Variants in COL6A5 observed in about 807,000 individuals in gnomAD.
COL6A5 encodes the protein collagen type VI alpha 5 chain.
A neutral mutation model predicts 65.6 loss-of-function variants in COL6A5; 48 were observed. The observed-to-expected ratio is 0.73, with a 90% CI of 0.58 to 0.93. The LOEUF (loss-of-function observed/expected upper bound fraction) is 0.93. COL6A5 is among the 40% of genes least tolerant of loss of function. COL6A5 has a pLI of 0.00. For synonymous variants in COL6A5, 291 were observed against 322.8 expected (o/e 0.90, Z 1.05); for missense variants, 914 against 928.3 (o/e 0.98, Z 0.20).
chr3:130,369,076 G>A (rs1029894728), intron 1 of COL6A5, among the ~76,000 whole-genome samples: 1 of 152,130 alleles, frequency 6.6e-6, no homozygotes, highest in Admixed American at 6.5e-5. Context: ...ATTCTGGCCA[G>A]CTTTTGTTGC....
At chr3:130,477,727 A>G (rs1298114866) in intron 7 of COL6A5, among the ~76,000 whole-genome samples, 2 of 152,086 alleles carry the variant, frequency 1.3e-5, no homozygotes, top group Non-Finnish European at 2.9e-5. Flanking sequence ...AACCACTGAC[A>G]TAGTATTATA....
rs139339125 is a variant in COL6A5 at position 130,421,152 on chromosome 3, G to T, written c.4951-1G>T. The T allele has an allele frequency of 1.4e-3, 2,174 of 1,550,492 alleles. 27 individuals carry two copies. Among genetic ancestry groups the T allele is most frequent in the Middle Eastern group, 3.4e-4 (2 of 5,930 alleles). ...TGAAAAAAACTGGTGTGTTTACACA[G>T]GGAGATTCTGGCATCCCAGGCTACG... On this transcript the variant is annotated splice_acceptor_variant and NMD_transcript_variant, in intron 25 of 41. Transcript: ENST00000312481.
At chr3:130,453,283 A>G (rs962561093) in intron 4 of COL6A5, among the ~76,000 whole-genome samples, 2 of 152,292 alleles carry the variant, frequency 1.3e-5, no homozygotes, top group East Asian at 1.9e-4. Context: ...AGACAGGCAT[A>G]AGAAATTATA....
At chr3:130,471,107 A>G (rs1709942571) in intron 7 of COL6A5, 140 bp downstream of exon 39, 1 of 638,476 alleles carries the variant, frequency 1.6e-6, no homozygotes, top group Non-Finnish European at 2.8e-6. Context: ...TGTGTTTTAA[A>G]TGCTACTCGT....
At chr3:130,387,806 A>G (rs1936249324) in intron 5 of COL6A5, among the ~76,000 whole-genome samples, 1 of 152,062 alleles carries the variant, frequency 6.6e-6, no homozygotes, top group Admixed American at 6.6e-5. Context: ...TGCATATTAT[A>G]TATATACACA....
intron 2 of COL6A5, 102 bp downstream of exon 34, chr3:130,439,717 G>T: frequency 2.5e-6 from 2 of 809,782 alleles, no homozygotes; most frequent in Non-Finnish European, 2.0e-6. Context: ...TTTAATCATA[G>T]GTTCTATTTT....
At chr3:130,452,672 G>A (rs148483129) in intron 4 of COL6A5, among the ~76,000 whole-genome samples, 42 of 152,196 alleles carry the variant, frequency 2.8e-4, no homozygotes, top group African/African-American at 7.7e-4. Context: ...ATGAAGTTTC[G>A]GGCACCATCG....
At chr3:130,365,680 T>C (rs1461356536) in intron 1 of COL6A5, among the ~76,000 whole-genome samples, 2 of 152,170 alleles carry the variant, frequency 1.3e-5, no homozygotes, top group Non-Finnish European at 1.5e-5. Context: ...GCCCAGATTT[T>C]CTCTCTGGGA....
At chr3:130,410,735 C>T (rs1400638354) in intron 20 of COL6A5, among the ~76,000 whole-genome samples, 3 of 152,134 alleles carry the variant, frequency 2.0e-5, no homozygotes, top group Non-Finnish European at 4.4e-5. Context: ...CATCCCTGGT[C>T]TCTACCCACT....
At chr3:130,391,583 C>A (rs1480375284) in exon 7 of COL6A5, 4 of 1,551,508 alleles carry the variant, frequency 2.6e-6, no homozygotes, top group Non-Finnish European at 3.5e-6. Flanking sequence ...AGCATTGGAA[C>A]TGAGAAACAA....
intron 7 of COL6A5, among the ~76,000 whole-genome samples, chr3:130,393,972 G>A (rs375765431): frequency 1.3e-4 from 19 of 151,392 alleles, no homozygotes; most frequent in Non-Finnish European, 2.1e-4. Context: ...AGGTCTATCC[G>A]GGCAGCCCAT....
At position 130,404,945 on chromosome 3, in the gene COL6A5, T is replaced by A. The variant is rs80166274; in HGVS notation, c.4282-643T>A. ...GTTCCTGCCCTCAAAAAGCACAAAA[T>A]TGTTCCTTTCTTAAGATCCATTTTA... is the stretch of plus-strand genomic sequence containing the variant. On this transcript the variant is annotated intron_variant and NMD_transcript_variant, in intron 13 of 41. Coordinates refer to the COL6A5 transcript ENST00000312481. Among the ~76,000 whole-genome samples the A allele has an allele frequency of 6.9e-4, 105 of 152,332 alleles. 1 individual carries two copies. Among genetic ancestry groups the A allele is most frequent in the Non-Finnish European group, 6.8e-4 (46 of 68,024 alleles).
chr3:130,409,487 G>A (rs1187002347), intron 18 of COL6A5, 99 bp downstream of exon 18: 1 of 1,034,566 alleles, frequency 9.7e-7, no homozygotes, highest in African/African-American at 1.6e-5. Context: ...TAGGCAAATG[G>A]TTGTCTTAGG....
intron 24 of COL6A5, 131 bp from the exon 25 acceptor site, chr3:130,418,738 A>G: frequency 1.4e-6 from 1 of 704,138 alleles, no homozygotes; most frequent in South Asian, 1.6e-5. Context: ...TGTGCCCTAC[A>G]CTCATCCCCT....
At chr3:130,363,700 G>A (rs1288081647) in intron 1 of COL6A5, among the ~76,000 whole-genome samples, 2 of 152,174 alleles carry the variant, frequency 1.3e-5, no homozygotes, top group South Asian at 2.1e-4. Flanking sequence ...TACTGTGAGA[G>A]TTTGATAGAG....
At chr3:130,428,767 G>T (rs577932103), upstream of COL6A5, among the ~76,000 whole-genome samples, 3 of 152,184 alleles carry the variant, frequency 2.0e-5, no homozygotes, top group Non-Finnish European at 4.4e-5. Flanking sequence ...CATCCCAGGG[G>T]CCATGGGGTT....
At chr3:130,470,091 G>A (rs1036058025) in intron 6 of COL6A5, among the ~76,000 whole-genome samples, 1 of 152,172 alleles carries the variant, frequency 6.6e-6, no homozygotes, top group Non-Finnish European at 1.5e-5. Context: ...ATTCTTATGA[G>A]CCATAGGGAC....
intron 20 of COL6A5, among the ~76,000 whole-genome samples, chr3:130,410,759 C>T (rs759512561): frequency 2.0e-4 from 30 of 152,116 alleles, no homozygotes; most frequent in Middle Eastern, 3.2e-3. Context: ...ATCAGTAGCA[C>T]CACCCCTCCC....
Position 130,362,314 on chromosome 3 carries a change from ATATATATATATATTTTTTTTT to A in COL6A5, c.-28-11295_-28-11275del, listed in dbSNP as rs1391026709. Among the ~76,000 whole-genome samples the A allele has an allele frequency of 2.4e-3, 37 of 15,502 alleles. 1 individual carries two copies. The highest frequency in any genetic ancestry group is 0.012 in the East Asian group (1 of 82). The allele number at this position is 15,502 out of a possible 152,430, so 10.2% of individuals were successfully genotyped here. On this transcript the variant is annotated intron_variant and NMD_transcript_variant, in intron 1 of 41. Transcript: ENST00000312481. ...CATATATATATATATATATATATAT[ATATATATATATATTTTTTTTT>A]TTTTTTTTTTTTGCATGTGGATGTC...
Sources: allele counts gnomAD v4.1 joint callset (sites outside exome capture counted in the v4.1 genomes callset), GRCh38; gene constraint gnomAD v4.1.1; transcripts MANE v1.5; gene names NCBI Gene and HGNC (gene_info 2026-07-23, HGNC 2026-07-21).